The following NAV2 variants were observed in gnomAD, a reference collection of about 807,000 sequenced individuals.
The protein encoded by NAV2 is helicase, APC down-regulated 1.
Under a neutral mutation model 223.2 loss-of-function variants are expected in NAV2, and 54 were observed. The ratio of observed to expected loss-of-function variants is 0.24; its 90% CI spans 0.19 to 0.30. NAV2 has a LOEUF of 0.30. Ranked by LOEUF, NAV2 falls within the 10% of genes least tolerant of loss-of-function variation. The pLI, the probability that NAV2 is intolerant of heterozygous loss-of-function variation, is 1.00. For synonymous variants in NAV2, 1,279 were observed against 1,239.3 expected (o/e 1.03, Z -0.67); for missense variants, 2,806 against 3,147.5 (o/e 0.89, Z 2.60).
intron 1 of NAV2, among the ~76,000 whole-genome samples, chr11:19,373,440 C>T (rs1469273297): frequency 1.3e-5 from 2 of 152,112 alleles, no homozygotes; most frequent in African/African-American, 2.4e-5. Flanking sequence ...CCAACAATTC[C>T]CACCTCAAGG....
chr11:19,651,086 A>G (rs963863868), intron 1 of NAV2, among the ~76,000 whole-genome samples: 3 of 152,182 alleles, frequency 2.0e-5, no homozygotes, highest in African/African-American at 7.2e-5. Flanking sequence ...CACAGCTCTG[A>G]TGGCCAAGCC....
intron 1 of NAV2, among the ~76,000 whole-genome samples, chr11:19,661,045 CT>C (rs1364201174): frequency 6.6e-6 from 1 of 152,124 alleles, no homozygotes; most frequent in African/African-American, 2.4e-5. Flanking sequence ...ATCTCTGTAA[CT>C]TTTTCATCTT....
intron 6 of NAV2, among the ~76,000 whole-genome samples, chr11:19,910,383 C>T (rs1356433463): frequency 3.3e-5 from 5 of 152,090 alleles, no homozygotes; most frequent in Non-Finnish European, 7.4e-5. Flanking sequence ...TCCAGGCAGT[C>T]AGAGTCATGG....
chr11:19,351,406 T>G (rs544680612), intron 1 of NAV2, among the ~76,000 whole-genome samples: 1 of 152,278 alleles, frequency 6.6e-6, no homozygotes, highest in South Asian at 2.1e-4. Context: ...CAGCGGAGGT[T>G]TTGTTTGAAT....
At chr11:19,898,449 T>C (rs1480395964) in intron 6 of NAV2, among the ~76,000 whole-genome samples, 7 of 152,230 alleles carry the variant, frequency 4.6e-5, no homozygotes, top group Non-Finnish European at 8.8e-5. Context: ...CGTACACACA[T>C]TGATATTACT....
Position 19,499,981 on chromosome 11 carries a change from C to A in NAV2, c.75+148954C>A, listed in dbSNP as rs183673725. Among the ~76,000 whole-genome samples the A allele has an allele frequency of 5.0e-3, 758 of 152,086 alleles. 8 individuals are homozygous for A. Among genetic ancestry groups the A allele is most frequent in the African/African-American group, 0.017 (714 of 41,494 alleles). Reference sequence around the variant, plus strand: ...GGCCCTGATTCTATATATATATACACACACACACAACCACACACACACACA... The same window carrying A: ...GGCCCTGATTCTATATATATATACAAACACACACAACCACACACACACACA... On this transcript the variant is annotated intron_variant, in intron 1 of 37. Transcript: ENST00000360655.
At chr11:19,853,628 C>T (rs1050692861) in intron 3 of NAV2, among the ~76,000 whole-genome samples, 1 of 152,198 alleles carries the variant, frequency 6.6e-6, no homozygotes, top group South Asian at 2.1e-4. Flanking sequence ...CTGCCTTGTA[C>T]ATTCTTTTTT....
intron 1 of NAV2, among the ~76,000 whole-genome samples, chr11:19,351,421 C>T (rs1188626326): frequency 2.0e-5 from 3 of 152,162 alleles, no homozygotes; most frequent in African/African-American, 7.2e-5. Flanking sequence ...TTGAATTATT[C>T]TCTGTGTGGT....
chr11:19,588,260 C>T (rs1204774392), intron 1 of NAV2, among the ~76,000 whole-genome samples: 1 of 152,168 alleles, frequency 6.6e-6, no homozygotes, highest in Admixed American at 6.5e-5. Context: ...GTTACTCATC[C>T]ATTTTACAAA....
chr11:20,086,768 G>A (rs1838104496), intron 26 of NAV2, among the ~76,000 whole-genome samples: 1 of 152,330 alleles, frequency 6.6e-6, no homozygotes, highest in Non-Finnish European at 1.5e-5. Flanking sequence ...GCAAGGGAAA[G>A]AGGAGAGCCA....
rs539855814 is a variant in NAV2 at position 19,616,602 on chromosome 11, C to T, written c.76-215882C>T. Among the ~76,000 whole-genome samples the T allele has an allele frequency of 4.3e-4, 65 of 151,994 alleles. 1 individual carries two copies. Among genetic ancestry groups the T allele is most frequent in the African/African-American group, 1.5e-3 (62 of 41,434 alleles). ...TGGAGCACCCAGGCTGGCGAGCTGG[C>T]CCCCAGGGTTGCTCCACGTGCCCTG... On this transcript the variant is annotated intron_variant, in intron 1 of 37. Transcript: ENST00000360655.
At chr11:19,424,005 G>T (rs1431338693) in intron 1 of NAV2, among the ~76,000 whole-genome samples, 1 of 152,102 alleles carries the variant, frequency 6.6e-6, no homozygotes, top group African/African-American at 2.4e-5. Context: ...AAACCACAGG[G>T]TCCCCATTTC....
intron 1 of NAV2, among the ~76,000 whole-genome samples, chr11:19,825,401 CAA>C (rs2059599744): frequency 6.8e-6 from 1 of 146,544 alleles, no homozygotes; most frequent in Non-Finnish European, 1.5e-5. Context: ...CCCTTACAAT[CAA>C]TCCACTGGAA....
intron 6 of NAV2, among the ~76,000 whole-genome samples, chr11:19,931,137 A>G (rs191255595): frequency 2.6e-5 from 4 of 152,252 alleles, no homozygotes; most frequent in Admixed American, 2.6e-4. Flanking sequence ...CCTTTTCACA[A>G]TGTGCTGAGC....
chr11:19,533,981 CA>C (rs2044109945), intron 1 of NAV2, among the ~76,000 whole-genome samples: 1 of 132,330 alleles, frequency 7.6e-6, no homozygotes, highest in Non-Finnish European at 1.5e-5. Flanking sequence ...GCTGGGATTA[CA>C]GGCGTGAGCC....
At chr11:19,550,924 A>G (rs1286680286) in intron 1 of NAV2, among the ~76,000 whole-genome samples, 2 of 152,214 alleles carry the variant, frequency 1.3e-5, no homozygotes, top group Non-Finnish European at 2.9e-5. Context: ...CTTCCCTAGA[A>G]ATTTCTGCAT....
chr11:19,863,456 A>G (rs1471890672), intron 3 of NAV2, among the ~76,000 whole-genome samples: 1 of 152,146 alleles, frequency 6.6e-6, no homozygotes, highest in African/African-American at 2.4e-5. Context: ...GTGCCTGGCT[A>G]ACTCCTTAGG....
At chr11:20,084,897 G>A (rs2153670357) in intron 26 of NAV2, among the ~76,000 whole-genome samples, 1 of 152,218 alleles carries the variant, frequency 6.6e-6, no homozygotes, top group Non-Finnish European at 1.5e-5. Context: ...GACCAAAAAG[G>A]GGTTAACCAA....
rs140786002 is a variant in NAV2, at chr11:19,812,451, C to G, written c.268-20033C>G. Among the ~76,000 whole-genome samples, 431 of 152,170 alleles carry G rather than the reference C, an allele frequency of 2.8e-3. 3 individuals are homozygous for G. The highest frequency in any genetic ancestry group is 1.0e-2 in the African/African-American group (414 of 41,566). ...TTTTTTATTACCATTTTGTCTCTCT[C>G]TCCTACCTCTCATCCTCAGTAGAAT... is the stretch of plus-strand genomic sequence containing the variant. On this transcript the variant is annotated intron_variant, in intron 1 of 37. Coordinates refer to ENST00000349880, the MANE Select transcript of NAV2 (RefSeq NM_145117.5).
Sources: gnomAD v4.1 joint callset for allele counts (sites outside exome capture counted in the v4.1 genomes callset) on GRCh38, gnomAD v4.1.1 for gene constraint, MANE v1.5 for transcripts, NCBI Gene and HGNC (gene_info 2026-07-23, HGNC 2026-07-21) for gene names.